The following STAU2 variants were observed in gnomAD, a reference collection of about 807,000 sequenced individuals.
STAU2 encodes double-stranded RNA-binding protein Staufen homolog 2.
A neutral mutation model predicts 65.9 loss-of-function variants in STAU2; 20 were observed. The observed-to-expected ratio is 0.30, with a 90% confidence interval of 0.21 to 0.44. The LOEUF is 0.44. STAU2 is among the 20% of genes least tolerant of loss of function. The pLI is 1.00. For synonymous variants in STAU2, 232 were observed against 233.9 expected (o/e 0.99, Z 0.07); for missense variants, 558 against 683.9 (o/e 0.82, Z 2.05).
intron 13 of STAU2, among the ~76,000 whole-genome samples, chr8:73,496,856 T>G (rs550251036): frequency 6.6e-6 from 1 of 151,700 alleles, no homozygotes; most frequent in African/African-American, 2.4e-5. Context: ...AAATGCTCAA[T>G]AGCCACATGT....
chr8:73,670,742 T>C (rs1817613510), intron 6 of STAU2, among the ~76,000 whole-genome samples: 1 of 152,052 alleles, frequency 6.6e-6, no homozygotes, highest in African/African-American at 2.4e-5. Flanking sequence ...TAAATAAATA[T>C]CTTCCCTACA....
intron 1 of STAU2, among the ~76,000 whole-genome samples, chr8:73,745,474 T>G (rs569983715): frequency 1.3e-5 from 2 of 152,366 alleles, no homozygotes; most frequent in South Asian, 4.1e-4. Flanking sequence ...TCACCCTGCC[T>G]GTCCATCACA....
At chr8:73,747,296 C>T, upstream of STAU2, 2 of 1,464,440 alleles carry the variant, frequency 1.4e-6, no homozygotes, top group Non-Finnish European at 9.2e-7. Context: ...GCAGCCCCTT[C>T]CACACCTGCA....
At chr8:73,545,405 T>C (rs1011286429) in intron 13 of STAU2, among the ~76,000 whole-genome samples, 3 of 152,168 alleles carry the variant, frequency 2.0e-5, no homozygotes, top group Non-Finnish European at 2.9e-5. Context: ...TTTGGAAGTT[T>C]TTCAAGTATG....
intron 13 of STAU2, among the ~76,000 whole-genome samples, chr8:73,437,545 C>T (rs1817793707): frequency 1.3e-5 from 2 of 152,208 alleles, no homozygotes; most frequent in South Asian, 4.1e-4. Flanking sequence ...CCATGGGAGA[C>T]TTCTGACCTA....
chr8:73,726,885 T>C (rs189228440), intron 3 of STAU2, among the ~76,000 whole-genome samples: 16 of 152,336 alleles, frequency 1.1e-4, no homozygotes, highest in Admixed American at 3.3e-4. Flanking sequence ...TTGTAAGCAT[T>C]TTAATATTTT....
chr8:73,626,104 G>T (rs868206253), intron 6 of STAU2, among the ~76,000 whole-genome samples: 11 of 131,432 alleles, frequency 8.4e-5, no homozygotes, highest in African/African-American at 3.5e-4. Context: ...CACACACACA[G>T]ACACATACAC....
chr8:73,622,768 CTG>C (rs961512951), intron 6 of STAU2, among the ~76,000 whole-genome samples: 2 of 152,158 alleles, frequency 1.3e-5, no homozygotes, highest in African/African-American at 2.4e-5. Flanking sequence ...TGATGAAACA[CTG>C]TGTTTCTGCA....
At chr8:73,688,286 C>G (rs1263769877) in intron 5 of STAU2, among the ~76,000 whole-genome samples, 1 of 151,342 alleles carries the variant, frequency 6.6e-6, no homozygotes, top group Non-Finnish European at 1.5e-5. Context: ...AAGCAATTCT[C>G]CCGCCTCAGC....
chr8:73,692,817 T>C (rs988965634), intron 4 of STAU2, among the ~76,000 whole-genome samples: 5 of 152,142 alleles, frequency 3.3e-5, no homozygotes, highest in Non-Finnish European at 5.9e-5. Context: ...TGGGGACAAT[T>C]GCAGAATTCG....
At chr8:73,454,171 C>G (rs930045869) in intron 13 of STAU2, among the ~76,000 whole-genome samples, 1 of 152,246 alleles carries the variant, frequency 6.6e-6, no homozygotes, top group African/African-American at 2.4e-5. Context: ...ATTCCGTTCC[C>G]CAATCTAGCA....
At chr8:73,746,872 C>T (rs1449995024), upstream of STAU2, 2 of 1,193,648 alleles carry the variant, frequency 1.7e-6, no homozygotes, top group Non-Finnish European at 2.1e-6. Flanking sequence ...GCTTCCACCC[C>T]TCGGGCTCCC....
intron 13 of STAU2, among the ~76,000 whole-genome samples, chr8:73,478,023 AAT>A (rs1401289039): frequency 7.0e-6 from 1 of 143,404 alleles, no homozygotes; most frequent in Non-Finnish European, 1.5e-5. Context: ...TAATGTTAGA[AAT>A]ATATATATGT....
At chr8:73,651,468 C>T in intron 6 of STAU2, 1 of 682,496 alleles carries the variant, frequency 1.5e-6, no homozygotes, top group Admixed American at 1.9e-5. Flanking sequence ...ATGCAGGACT[C>T]CCAGCTGAAC....
At chr8:73,422,571 T>C in intron 14 of STAU2, 43 bp downstream of exon 14, 1 of 1,411,874 alleles carries the variant, frequency 7.1e-7, no homozygotes, top group Non-Finnish European at 9.4e-7. Context: ...TTTTGTACAG[T>C]TACAATTAAA....
chr8:73,541,862 C>T lies in STAU2; in HGVS notation c.1530+10150G>A, dbSNP rs1377192709. 2.0e-5 allele frequency among the ~76,000 whole-genome samples: 3 copies of T among 151,688 alleles called. No homozygotes were observed. In the East Asian group the frequency reaches 5.8e-4, roughly 29 times the overall value. On this transcript the variant is annotated intron_variant, in intron 13 of 14. Coordinates refer to ENST00000524300, the MANE Select transcript of STAU2 (RefSeq NM_001164380.2). ...ATGGAGGGAAGAATCTGTAAGAATC[C>T]AAAACTTCAAGGTAGATCAATAGAA...
chr8:73,732,456 G>A (rs1333314593), intron 3 of STAU2: 2 of 151,860 alleles, frequency 1.3e-5, no homozygotes, highest in Non-Finnish European at 2.9e-5. Context: ...ATCATTGGGG[G>A]CCATCTTGGA....
chr8:73,527,890 TCA>T, intron 13 of STAU2: 8 of 813,960 alleles, frequency 9.8e-6, no homozygotes, highest in South Asian at 2.1e-5. Flanking sequence ...GGTCTAGATT[TCA>T]CAGAACACAC....
intron 6 of STAU2, among the ~76,000 whole-genome samples, chr8:73,635,093 C>T (rs1216486175): frequency 6.6e-6 from 1 of 152,160 alleles, no homozygotes; most frequent in Non-Finnish European, 1.5e-5. Flanking sequence ...AGATTCAAAA[C>T]AACTAAATGT....
Sources: gnomAD v4.1 joint callset for allele counts (sites outside exome capture counted in the v4.1 genomes callset) on GRCh38, gnomAD v4.1.1 for gene constraint, MANE v1.5 for transcripts, NCBI Gene and HGNC (gene_info 2026-07-23, HGNC 2026-07-21) for gene names.